Variants in PCSK6 observed in about 807,000 individuals in gnomAD.
The protein encoded by PCSK6 is proprotein convertase subtilisin/kexin type 6.
A neutral mutation model predicts 123.3 loss-of-function variants in PCSK6; 85 were observed. The observed-to-expected ratio is 0.69, with a 90% CI of 0.58 to 0.83. PCSK6 has a LOEUF of 0.83. Ranked by LOEUF, PCSK6 falls within the 40% of genes least tolerant of loss-of-function variation. The probability of loss-of-function intolerance (pLI) is 0.00; values close to 1 mark genes in which losing one functional copy is unlikely to be tolerated. For synonymous variants in PCSK6, 508 were observed against 516.0 expected (o/e 0.98, Z 0.21); for missense variants, 1,191 against 1,282.3 (o/e 0.93, Z 1.09).
At position 101,326,294 on chromosome 15, in the gene PCSK6, G is replaced by A. The variant is rs1418187050; in HGVS notation, c.2180+83C>T. On this transcript the variant is annotated intron_variant, in intron 16 of 21. Transcript: ENST00000611716. ...GGGGGTGCTACGTTACTTCCTAACT[G>A]GGGCATCAGGACATGGAGGGGCTAA... 6 of 1,018,126 alleles carry A rather than the reference G, an allele frequency of 5.9e-6. No individual in the cohort carries two copies. In the African/African-American group the frequency reaches 8.0e-5, roughly 14 times the overall value. The allele number at this position is 1,018,126 out of a possible 1,614,324, so 63.1% of individuals were successfully genotyped here.
rs149046751 is a variant in PCSK6, at chr15:101,390,748, C to T, written c.1210-1184G>A. 5.3e-5 allele frequency among the ~76,000 whole-genome samples: 8 copies of T among 152,346 alleles called. No individual in the cohort carries two copies. The East Asian group carries it at 7.7e-4, about 15-fold the overall frequency. On this transcript the variant is annotated intron_variant, in intron 8 of 21. Transcript: ENST00000611716. Reference sequence around the variant, plus strand: ...TCCCGGGAGCCTCCGGAAGGAACCACGGCCCTGCCAGCACCTTGGTCTTGG... The same window carrying T: ...TCCCGGGAGCCTCCGGAAGGAACCATGGCCCTGCCAGCACCTTGGTCTTGG...
Position 101,486,002 on chromosome 15 carries a change from C to T in PCSK6, c.297+3372G>A, listed in dbSNP as rs951023107. 6.5e-5 allele frequency among the ~76,000 whole-genome samples: 8 copies of T among 122,816 alleles called. No homozygotes were observed. The South Asian group carries it at 7.8e-4, about 12-fold the overall frequency. The allele number at this position is 122,816 out of a possible 152,430, so 80.6% of individuals were successfully genotyped here. A position where few individuals can be genotyped will look rare whatever the true frequency, so the allele number is the denominator to read the frequency against. Reference sequence around the variant, plus strand: ...TTTTGAGACGGAGTTTCACTCTTGTCGCCCAGGCTGGAGTGCAATGGTGCG... The same window carrying T: ...TTTTGAGACGGAGTTTCACTCTTGTTGCCCAGGCTGGAGTGCAATGGTGCG... On this transcript the variant is annotated intron_variant, in intron 1 of 21. Transcript: ENST00000611716.
intron 7 of PCSK6, among the ~76,000 whole-genome samples, chr15:101,395,138 A>G (rs2042368070): frequency 1.3e-5 from 2 of 152,314 alleles, no homozygotes; most frequent in Admixed American, 1.3e-4. Context: ...TGCCACTCCT[A>G]ACTCCCCACC....
intron 11 of PCSK6, among the ~76,000 whole-genome samples, chr15:101,378,662 C>G (rs753216734): frequency 9.9e-5 from 15 of 152,236 alleles, no homozygotes; most frequent in Non-Finnish European, 2.1e-4. Context: ...GATTCTCACC[C>G]AGGCCCAGCC....
chr15:101,473,942 A>G (rs919656700), intron 1 of PCSK6, among the ~76,000 whole-genome samples: 4 of 152,244 alleles, frequency 2.6e-5, no homozygotes, highest in African/African-American at 9.6e-5. Flanking sequence ...TGAGGGTCTT[A>G]GATTATCAAA....
At chr15:101,359,882 T>C (rs534364952) in intron 13 of PCSK6, among the ~76,000 whole-genome samples, 41 of 152,368 alleles carry the variant, frequency 2.7e-4, no homozygotes, top group Admixed American at 2.6e-3. Flanking sequence ...TTTGGATTTC[T>C]AGCTCAGTCT....
rs1488547593 is a variant in PCSK6 at position 101,324,983 on chromosome 15, C to T, written c.2244G>A (p.Arg748=). 1 of 1,612,944 alleles carries T rather than the reference C, an allele frequency of 6.2e-7. No individual in the cohort carries two copies. The highest frequency in any genetic ancestry group is 8.5e-7 in the Non-Finnish European group (1 of 1,179,884). ...AGCAGGTCTCACACCCCTTGTGGCA[C>T]CGGCGACAGCGTCTTGCTGCTGTGT... ...FGDTAARRCR[R]CHKGCETCSS... Residue 748 remains arginine, a synonymous_variant, in exon 17 of 22, where the codon CGG becomes CGA. Coordinates refer to ENST00000611716, the MANE Select transcript of PCSK6 (RefSeq NM_002570.5).
intron 13 of PCSK6, among the ~76,000 whole-genome samples, chr15:101,349,186 G>A (rs1238906686): frequency 6.6e-6 from 1 of 152,168 alleles, no homozygotes; most frequent in African/African-American, 2.4e-5. Flanking sequence ...CTCTGCCCCG[G>A]GGGCCTGCAA....
chr15:101,386,494 C>T (rs1263576671), intron 9 of PCSK6, among the ~76,000 whole-genome samples: 1 of 152,242 alleles, frequency 6.6e-6, no homozygotes. Flanking sequence ...GAAACTCTGT[C>T]CCACGGGACA....
At chr15:101,352,609 A>G (rs1298004284) in intron 13 of PCSK6, among the ~76,000 whole-genome samples, 1 of 152,138 alleles carries the variant, frequency 6.6e-6, no homozygotes, top group Non-Finnish European at 1.5e-5. Context: ...GGCTTTATTA[A>G]CGGACTATCC....
chr15:101,326,079 C>T (rs918865928), intron 16 of PCSK6, among the ~76,000 whole-genome samples: 1 of 152,250 alleles, frequency 6.6e-6, no homozygotes, highest in Non-Finnish European at 1.5e-5. Context: ...TCTGGGGCAG[C>T]CTTGGCACGC....
intron 13 of PCSK6, among the ~76,000 whole-genome samples, chr15:101,340,387 T>C (rs919281081): frequency 2.6e-5 from 4 of 152,218 alleles, no homozygotes; most frequent in Non-Finnish European, 2.9e-5. Flanking sequence ...CGGGAAAGAA[T>C]GATCACCTGT....
chr15:101,414,626 T>G (rs1351564699), intron 6 of PCSK6, among the ~76,000 whole-genome samples: 1 of 152,112 alleles, frequency 6.6e-6, no homozygotes, highest in Non-Finnish European at 1.5e-5. Context: ...TAACTGTGTT[T>G]AAAGAGTAAC....
At chr15:101,392,377 G>A (rs2042257199) in intron 8 of PCSK6, among the ~76,000 whole-genome samples, 1 of 152,230 alleles carries the variant, frequency 6.6e-6, no homozygotes, top group African/African-American at 2.4e-5. Context: ...AGAACAGGAA[G>A]CCTGTATGCT....
chr15:101,403,498 A>G (rs2042671993), intron 6 of PCSK6, among the ~76,000 whole-genome samples: 1 of 152,112 alleles, frequency 6.6e-6, no homozygotes, highest in African/African-American at 2.4e-5. Context: ...TTTGTTTTCT[A>G]AAAACACATG....
chr15:101,347,781 G>A (rs772320311), intron 13 of PCSK6: 1 of 1,612,008 alleles, frequency 6.2e-7, no homozygotes, highest in South Asian at 1.1e-5. Context: ...AGGTTCCCTG[G>A]AAAACAAGGG....
At position 101,315,362 on chromosome 15, in the gene PCSK6, A is replaced by G. The variant is rs1196264767; in HGVS notation, c.2570-1857T>C. ...ATTTTCTCAACTACTAAAAAATATG[A>G]ATTTCATAACTCAGTGAAAGTCTTT... is the stretch of plus-strand genomic sequence containing the variant. On this transcript the variant is annotated intron_variant, in intron 19 of 21. Transcript: ENST00000611716. Among the ~76,000 whole-genome samples, 4 of 152,336 alleles carry G rather than the reference A, an allele frequency of 2.6e-5. No homozygotes were observed. The South Asian group carries it at 6.2e-4, about 24-fold the overall frequency.
chr15:101,465,026 T>C (rs2057425227), intron 1 of PCSK6, among the ~76,000 whole-genome samples: 1 of 152,174 alleles, frequency 6.6e-6, no homozygotes, highest in Non-Finnish European at 1.5e-5. Context: ...GCAAGCCTGA[T>C]CAGATGCCGC....
At chr15:101,482,871 T>C (rs1389912491) in intron 1 of PCSK6, among the ~76,000 whole-genome samples, 1 of 152,128 alleles carries the variant, frequency 6.6e-6, no homozygotes, top group Non-Finnish European at 1.5e-5. Context: ...TTCTGGAGCT[T>C]TTCTGGCTCC....
Sources: gnomAD v4.1 joint callset for allele counts (sites outside exome capture counted in the v4.1 genomes callset) on GRCh38, gnomAD v4.1.1 for gene constraint, MANE v1.5 for transcripts, NCBI Gene and HGNC (gene_info 2026-07-23, HGNC 2026-07-21) for gene names.